Variants in STOX2 observed in about 807,000 individuals in gnomAD.
The protein encoded by STOX2 is storkhead box 2, also known as storkhead-box protein 2.
Under a neutral mutation model 60.9 loss-of-function variants are expected in STOX2, and 28 were observed. That is an observed-to-expected ratio of 0.46 (90% CI 0.34 to 0.63). STOX2 has a LOEUF of 0.63. STOX2 is among the 30% of genes least tolerant of loss of function. The pLI, the probability that STOX2 is intolerant of heterozygous loss-of-function variation, is 0.01. For missense variants in STOX2, 1,024 were observed against 1,187.7 expected (o/e 0.86, Z 2.03); for synonymous variants, 472 against 463.9 (o/e 1.02, Z -0.22).
chr4:183,826,627 A>G (rs1020180199), intron 1 of STOX2, among the ~76,000 whole-genome samples: 2 of 152,258 alleles, frequency 1.3e-5, no homozygotes, highest in African/African-American at 4.8e-5. Context: ...CCTGCTAGCA[A>G]TGTGGCCCTG....
rs141035111 is a variant in STOX2, at chr4:183,845,321, A to G, written c.364+47266A>G. 2.1e-3 allele frequency among the ~76,000 whole-genome samples: 323 copies of G among 152,334 alleles called. 1 individual carries two copies. The highest frequency in any genetic ancestry group is 7.5e-3 in the African/African-American group (312 of 41,576). On this transcript the variant is annotated intron_variant, in intron 1 of 2. Transcript: ENST00000513034. The stretch of plus-strand genomic sequence containing the variant: ...TTCCATCCAGAGCCGGAAAAGCTTC[A>G]GAAAAGCTTAAGCCAGGTGGGATAT...
chr4:183,873,386 C>T (rs903004454), intron 1 of STOX2, among the ~76,000 whole-genome samples: 2 of 143,154 alleles, frequency 1.4e-5, no homozygotes, highest in African/African-American at 2.6e-5. Context: ...GCGGAGGTTG[C>T]GGTGAGCTGA....
chr4:183,939,330 G>A (rs1320619266), intron 1 of STOX2, among the ~76,000 whole-genome samples: 1 of 152,172 alleles, frequency 6.6e-6, no homozygotes, highest in African/African-American at 2.4e-5. Flanking sequence ...TTCGTCTGTG[G>A]CTGCATCTCT....
At chr4:183,839,399 C>T (rs976376584) in intron 1 of STOX2, among the ~76,000 whole-genome samples, 4 of 152,188 alleles carry the variant, frequency 2.6e-5, no homozygotes, top group African/African-American at 4.8e-5. Context: ...CTGACTTTAA[C>T]GTTCTCCTGC....
intron 1 of STOX2, among the ~76,000 whole-genome samples, chr4:183,847,352 GCTAT>G (rs1231853491): frequency 6.6e-6 from 1 of 151,978 alleles, no homozygotes; most frequent in East Asian, 1.9e-4. Flanking sequence ...AGGTTTTTTT[GCTAT>G]CTGTTGTTTG....
intron 1 of STOX2, among the ~76,000 whole-genome samples, chr4:183,858,309 C>CATTGCA (rs375853493): frequency 0.012 from 1,753 of 152,204 alleles, 39 homozygotes; most frequent in African/African-American, 0.04. Flanking sequence ...CTGCGTCTCC[C>CATTGCA]GCCCTGTGCG....
At chr4:183,935,546 G>C (rs375398073) in intron 1 of STOX2, among the ~76,000 whole-genome samples, 1 of 152,248 alleles carries the variant, frequency 6.6e-6, no homozygotes, top group African/African-American at 2.4e-5. Flanking sequence ...GGGCCCAGGG[G>C]CCCAGCAGTT....
rs112656689 is a variant in STOX2, at chr4:184,010,674, G to C, written c.1836G>C (p.Thr612=). Residue 612 remains threonine, a synonymous_variant, in exon 3 of 4, where the codon ACG becomes ACC. Transcript: ENST00000308497. This position sits in a 1 kb window ranked among gnomAD's most constrained non-coding sequence, Gnocchi z 4.5. ...ACACCTCTAGTGAGACGGTGCTCAC[G>C]GCACCATCACCTCTGGGAAAGAATA... ...QCNTSSETVL[T]APSPLGKNKE... The C allele has an allele frequency of 2.7e-5, 44 of 1,613,698 alleles. 1 individual carries two copies. Among genetic ancestry groups the C allele is most frequent in the African/African-American group, 2.4e-4 (18 of 74,992 alleles).
chr4:183,842,871 C>T (rs1408826226), intron 1 of STOX2, among the ~76,000 whole-genome samples: 2 of 151,434 alleles, frequency 1.3e-5, no homozygotes, highest in East Asian at 3.9e-4. Flanking sequence ...TTATTCAGGC[C>T]GGGTGTGGTG....
intron 1 of STOX2, among the ~76,000 whole-genome samples, chr4:183,867,731 T>C (rs568490309): frequency 6.6e-6 from 1 of 152,322 alleles, no homozygotes; most frequent in South Asian, 2.1e-4. Context: ...TTTAGTCTAT[T>C]AGTATTAATC....
chr4:183,885,793 A>G (rs554849729), intron 1 of STOX2, among the ~76,000 whole-genome samples: 1 of 152,376 alleles, frequency 6.6e-6, no homozygotes, highest in Non-Finnish European at 1.5e-5. Flanking sequence ...TAATTGACCA[A>G]TAGCCAAATT....
At position 184,009,106 on chromosome 4, in the gene STOX2, C is replaced by T; in HGVS notation, c.320-52C>T. The T allele has an allele frequency of 7.5e-7, 1 of 1,335,790 alleles. No homozygotes were observed. The highest frequency in any genetic ancestry group is 1.5e-5 in the African/African-American group (1 of 67,812). 82.7% of individuals were successfully genotyped at this position (1,335,790 alleles called of 1,614,324 possible). ...GAATAGGATCCTGGAAATCAGGAAT[C>T]CACATGTTCTGTCTTCATTCTCACA... On this transcript the variant is annotated intron_variant, in intron 2 of 3. Coordinates refer to ENST00000308497, the MANE Select transcript of STOX2 (RefSeq NM_020225.3). The surrounding 1 kb of genome is among the most constrained non-coding windows in gnomAD (Gnocchi z 4.0).
chr4:184,015,659 T>C (rs1734338414), intron 3 of STOX2: 1 of 152,228 alleles, frequency 6.6e-6, no homozygotes. Context: ...GATTCAAAGA[T>C]GCTATCAGCC....
intron 1 of STOX2, among the ~76,000 whole-genome samples, chr4:183,847,968 G>C: frequency 6.6e-6 from 1 of 150,526 alleles, no homozygotes; most frequent in Non-Finnish European, 1.5e-5. Flanking sequence ...GAACTAGAGA[G>C]GAGAGAGGTT....
chr4:183,978,374 T>C (rs1732526878), intron 1 of STOX2, among the ~76,000 whole-genome samples: 1 of 152,198 alleles, frequency 6.6e-6, no homozygotes, highest in Admixed American at 6.5e-5. Flanking sequence ...CCCCGTGTTT[T>C]ATATTTTTGT....
At chr4:183,937,033 AATAATT>A (rs1742608083) in intron 1 of STOX2, among the ~76,000 whole-genome samples, 1 of 152,202 alleles carries the variant, frequency 6.6e-6, no homozygotes, top group African/African-American at 2.4e-5. Context: ...TAAGGAGGGA[AATAATT>A]ATGACAGTAT....
chr4:183,957,825 C>A (rs1006210097), intron 1 of STOX2, among the ~76,000 whole-genome samples: 3 of 152,092 alleles, frequency 2.0e-5, no homozygotes, highest in Admixed American at 6.5e-5. Flanking sequence ...TATTTAGAAC[C>A]CAATATCGTG....
chr4:183,914,343 G>T (rs532012273), intron 1 of STOX2, among the ~76,000 whole-genome samples: 2 of 152,138 alleles, frequency 1.3e-5, no homozygotes, highest in Non-Finnish European at 2.9e-5. Flanking sequence ...GAGGCTGAGC[G>T]GAAGGATCAC....
At chr4:183,995,780 T>C (rs998600257) in intron 1 of STOX2, among the ~76,000 whole-genome samples, 3 of 152,194 alleles carry the variant, frequency 2.0e-5, no homozygotes, top group Non-Finnish European at 1.5e-5. Flanking sequence ...ATCTGGCCCC[T>C]TTTTTCTCTG....
Sources: allele counts gnomAD v4.1 joint callset (sites outside exome capture counted in the v4.1 genomes callset), GRCh38; gene constraint gnomAD v4.1.1; non-coding constraint Gnocchi (gnomAD v3.1); transcripts MANE v1.5; gene names NCBI Gene and HGNC (gene_info 2026-07-23, HGNC 2026-07-21).